Variants in HECTD4 observed in about 807,000 individuals in gnomAD.
HECTD4 encodes probable E3 ubiquitin-protein ligase HECTD4.
HECTD4 carries 114 observed loss-of-function variants against 471.5 expected under a neutral mutation model. The ratio of observed to expected loss-of-function variants is 0.24; its 90% CI spans 0.21 to 0.28. The LOEUF (loss-of-function observed/expected upper bound fraction) is 0.28. Ranked by LOEUF, HECTD4 falls within the 10% of genes least tolerant of loss-of-function variation. The probability of loss-of-function intolerance (pLI) is 1.00; values close to 1 mark genes in which losing one functional copy is unlikely to be tolerated. For missense variants in HECTD4, 3,866 were observed against 5,651.5 expected (o/e 0.68, Z 10.13); for synonymous variants, 2,012 against 2,256.0 (o/e 0.89, Z 3.07).
chr12:112,183,256 C>A lies in HECTD4; in HGVS notation c.10790G>T (p.Arg3597Leu). The change falls in exon 62 of 76, where the codon CGA (arginine) becomes CTA (leucine). Residue 3597 changes from arginine (R) to leucine (L), a missense_variant. Transcript: ENST00000682272. Reference protein sequence around the residue: ...KGFAVVEIRSRAKIEKIRASL... With the variant: ...KGFAVVEIRSLAKIEKIRASL... ...TGCTCGAATTTTCTCAATTTTGGCT[C>A]GGGATCTTATCTGTGTGAACAGAGA... 2 of 1,613,364 alleles carry A rather than the reference C, an allele frequency of 1.2e-6. No homozygotes were observed. The highest frequency in any genetic ancestry group is 1.7e-6 in the Non-Finnish European group (2 of 1,179,744).
intron 44 of HECTD4, among the ~76,000 whole-genome samples, chr12:112,220,698 G>T (rs1230125159): frequency 2.0e-5 from 3 of 152,150 alleles, no homozygotes; most frequent in Non-Finnish European, 2.9e-5. Context: ...TCGGGAGGGT[G>T]AGGCATGATA....
At chr12:112,273,522 G>A in intron 11 of HECTD4, 133 bp downstream of exon 11, 1 of 727,354 alleles carries the variant, frequency 1.4e-6, no homozygotes, top group South Asian at 2.0e-5. Flanking sequence ...AGGACTTTAG[G>A]TTTCAAAAGT....
At chr12:112,361,960 T>C (rs976175894) in intron 1 of HECTD4, among the ~76,000 whole-genome samples, 78 of 152,298 alleles carry the variant, frequency 5.1e-4, no homozygotes, top group African/African-American at 1.9e-3. Context: ...AAGAAGGACA[T>C]TGAAGCACCA....
At chr12:112,378,829 G>A (rs1037311341) in intron 1 of HECTD4, among the ~76,000 whole-genome samples, 5 of 152,048 alleles carry the variant, frequency 3.3e-5, no homozygotes, top group Admixed American at 2.0e-4. Context: ...GGATCACAAG[G>A]TCAGGAGATT....
chr12:112,311,285 A>C (rs959400709), intron 4 of HECTD4, among the ~76,000 whole-genome samples: 1 of 151,722 alleles, frequency 6.6e-6, no homozygotes, highest in Non-Finnish European at 1.5e-5. Context: ...AGATTACATA[A>C]ATTAGTCTAA....
chr12:112,302,539 T>C, intron 7 of HECTD4: 2 of 718,472 alleles, frequency 2.8e-6, no homozygotes, highest in Non-Finnish European at 5.1e-6. Context: ...GGGCTGGATG[T>C]CCTGTCCAAT....
intron 66 of HECTD4, among the ~76,000 whole-genome samples, chr12:112,174,799 T>C (rs1436699347): frequency 2.6e-5 from 4 of 151,376 alleles, no homozygotes; most frequent in South Asian, 2.1e-4. Flanking sequence ...CCTGACCTCA[T>C]GCCTCCCAAA....
chr12:112,328,367 G>T (rs2035788408), intron 1 of HECTD4, among the ~76,000 whole-genome samples: 1 of 152,130 alleles, frequency 6.6e-6, no homozygotes, highest in Non-Finnish European at 1.5e-5. Flanking sequence ...AAACTCCTGG[G>T]GTTCAAGTGA....
In HECTD4 at chr12:112,278,718, C is replaced by T. The variant is rs537156537; in HGVS notation, c.1687+510G>A. Among the ~76,000 whole-genome samples the T allele has an allele frequency of 5.0e-4, 76 of 152,290 alleles. 1 individual carries two copies. The highest frequency in any genetic ancestry group is 1.6e-3 in the African/African-American group (67 of 41,570). ...GAACAGACTGGCCAACATGGCGAAA[C>T]GCCATCTCTACTAAAAATAAAAAAA... On this transcript the variant is annotated intron_variant, in intron 9 of 75. Coordinates refer to ENST00000682272, the MANE Select transcript of HECTD4 (RefSeq NM_001388303.1).
intron 70 of HECTD4, 145 bp downstream of exon 70, chr12:112,169,358 A>C: frequency 1.1e-6 from 1 of 947,928 alleles, no homozygotes; most frequent in South Asian, 1.7e-5. Context: ...GCGTGAGGCC[A>C]CTCTGGGTGC....
At chr12:112,341,097 A>G (rs765228964) in intron 1 of HECTD4, among the ~76,000 whole-genome samples, 14 of 152,346 alleles carry the variant, frequency 9.2e-5, no homozygotes, top group South Asian at 2.1e-4. Flanking sequence ...TTGCTCACCA[A>G]TGTATCACAA....
intron 1 of HECTD4, among the ~76,000 whole-genome samples, chr12:112,354,290 G>A (rs1417454953): frequency 4.0e-5 from 6 of 151,896 alleles, no homozygotes; most frequent in African/African-American, 1.5e-4. Context: ...TGACCTCCTA[G>A]GCTCAAGCAT....
At chr12:112,165,349 ATTTTTTT>A (rs35375585) in intron 72 of HECTD4, among the ~76,000 whole-genome samples, 248 of 128,482 alleles carry the variant, frequency 1.9e-3, no homozygotes, top group African/African-American at 7.1e-3. Flanking sequence ...AGAGCAACTA[ATTTTTTT>A]TTTTTTTTTT....
At chr12:112,356,308 C>A (rs1367246032) in intron 1 of HECTD4, among the ~76,000 whole-genome samples, 1 of 152,114 alleles carries the variant, frequency 6.6e-6, no homozygotes, top group Admixed American at 6.6e-5. Flanking sequence ...TGGGAATGAA[C>A]ACTAAATAAT....
At chr12:112,227,281 G>A (rs1390503848) in intron 43 of HECTD4, among the ~76,000 whole-genome samples, 2 of 152,100 alleles carry the variant, frequency 1.3e-5, no homozygotes, top group African/African-American at 4.8e-5. Flanking sequence ...CCAACATGGC[G>A]AGACCCCATC....
At chr12:112,349,305 C>T (rs1334183548) in intron 1 of HECTD4, among the ~76,000 whole-genome samples, 1 of 144,630 alleles carries the variant, frequency 6.9e-6, no homozygotes, top group Non-Finnish European at 1.5e-5. Flanking sequence ...AGAAGAATCG[C>T]TTGAACCCAG....
chr12:112,284,422 G>A (rs549039227), intron 7 of HECTD4, among the ~76,000 whole-genome samples: 25 of 152,322 alleles, frequency 1.6e-4, no homozygotes, highest in African/African-American at 6.0e-4. Context: ...ATCTTCAGAA[G>A]CAAAGGGAAA....
In HECTD4 at chr12:112,226,852, C is replaced by G. The variant is rs199521504; in HGVS notation, c.6855-94G>C. 4.1e-5 allele frequency: 36 copies of G among 878,730 alleles called. No individual in the cohort carries two copies. The East Asian group carries it at 9.7e-4, about 24-fold the overall frequency. The allele number at this position is 878,730 out of a possible 1,614,324, so 54.4% of individuals were successfully genotyped here. A position where few individuals can be genotyped will look rare whatever the true frequency, so the allele number is the denominator to read the frequency against. On this transcript the variant is annotated intron_variant, in intron 43 of 75. Transcript: ENST00000682272. ...AAAACATTTCAATCAATTTTGCCCC[C>G]CAGTTTACAACAAGGTTCAAACACC...
chr12:112,290,699 T>C (rs1594014515), intron 7 of HECTD4, among the ~76,000 whole-genome samples: 1 of 151,506 alleles, frequency 6.6e-6, no homozygotes, highest in East Asian at 1.9e-4. Flanking sequence ...AATACAAAAA[T>C]TAGCTGGGCA....
Sources: gnomAD v4.1 joint callset for allele counts (sites outside exome capture counted in the v4.1 genomes callset) on GRCh38, gnomAD v4.1.1 for gene constraint, MANE v1.5 for transcripts, NCBI Gene and HGNC (gene_info 2026-07-23, HGNC 2026-07-21) for gene names.